NEO1: variants seen among roughly 807,000 people sequenced by gnomAD.
NEO1 encodes neogenin 1.
In NEO1, 63 loss-of-function variants were observed where a neutral mutation model predicts 159.7. The observed-to-expected ratio is 0.39, with a 90% CI of 0.32 to 0.49. NEO1 has a LOEUF of 0.49. Among genes scored for constraint, NEO1 ranks in the 20% least tolerant of loss-of-function variants. NEO1 has a pLI of 0.85. For synonymous variants in NEO1, 633 were observed against 662.0 expected, an observed-to-expected ratio of 0.96 and a Z score of 0.67; for missense variants, 1,615 against 1,831.0, an observed-to-expected ratio of 0.88 and a Z score of 2.15.
At chr15:73,200,561 T>G (rs1479890702) in intron 7 of NEO1, among the ~76,000 whole-genome samples, 4 of 128,878 alleles carry the variant, frequency 3.1e-5, no homozygotes, top group African/African-American at 9.0e-5. Flanking sequence ...GGAAGGGAAA[T>G]GGGAAAGGGA....
At chr15:73,208,776 C>T (rs1224734552) in intron 7 of NEO1, among the ~76,000 whole-genome samples, 1 of 151,954 alleles carries the variant, frequency 6.6e-6, no homozygotes, top group African/African-American at 2.4e-5. Context: ...GTGGGAGGAT[C>T]ACCCGAGCCC....
intron 7 of NEO1, among the ~76,000 whole-genome samples, chr15:73,226,031 C>T (rs1486281326): frequency 6.6e-6 from 1 of 152,100 alleles, no homozygotes; most frequent in Non-Finnish European, 1.5e-5. Context: ...CAGGTAAGGT[C>T]GGAAACTTCT....
intron 8 of NEO1, 57 bp downstream of exon 8, chr15:73,236,563 C>A: frequency 6.7e-7 from 1 of 1,497,878 alleles, no homozygotes; most frequent in Non-Finnish European, 9.3e-7. Flanking sequence ...GCAGCCTTGT[C>A]ATGCTCACCC....
At chr15:73,067,410 A>G (rs1456157012) in intron 1 of NEO1, among the ~76,000 whole-genome samples, 4 of 150,360 alleles carry the variant, frequency 2.7e-5, no homozygotes, top group East Asian at 2.0e-4. Flanking sequence ...GATGGTGTCT[A>G]TATATATTCA....
At chr15:73,180,627 ATCTAAC>A (rs2151966856) in intron 7 of NEO1, among the ~76,000 whole-genome samples, 1 of 152,332 alleles carries the variant, frequency 6.6e-6, no homozygotes, top group South Asian at 2.1e-4. Flanking sequence ...ACTGTTACAA[ATCTAAC>A]TCTAACAGTA....
chr15:73,161,933 C>G (rs988394253), intron 5 of NEO1: 6 of 200,810 alleles, frequency 3.0e-5, no homozygotes, highest in Non-Finnish European at 5.2e-5. Flanking sequence ...TTCTACAGAA[C>G]TAGGTTCTCT....
intron 7 of NEO1, among the ~76,000 whole-genome samples, chr15:73,179,922 T>C (rs2035504916): frequency 6.6e-6 from 1 of 151,856 alleles, no homozygotes; most frequent in African/African-American, 2.4e-5. Context: ...AACATTTAGA[T>C]TGTCACCTGT....
At chr15:73,168,193 T>C (rs949372691) in intron 5 of NEO1, among the ~76,000 whole-genome samples, 1 of 151,598 alleles carries the variant, frequency 6.6e-6, no homozygotes, top group Admixed American at 6.6e-5. Flanking sequence ...GTTTTTTGTT[T>C]TGTTTTGTAT....
At chr15:73,082,234 C>G (rs1045560833) in intron 1 of NEO1, among the ~76,000 whole-genome samples, 1 of 152,058 alleles carries the variant, frequency 6.6e-6, no homozygotes, top group Non-Finnish European at 1.5e-5. Flanking sequence ...TATTTAGAGT[C>G]GAGTCTACTT....
chr15:73,186,335 A>T (rs2035925470), intron 7 of NEO1, among the ~76,000 whole-genome samples: 1 of 151,920 alleles, frequency 6.6e-6, no homozygotes, highest in African/African-American at 2.4e-5. Flanking sequence ...TTAAAAAAAA[A>T]GGCAACCAAA....
At chr15:73,055,688 T>A (rs2067660704) in intron 1 of NEO1, among the ~76,000 whole-genome samples, 1 of 152,160 alleles carries the variant, frequency 6.6e-6, no homozygotes, top group Admixed American at 6.5e-5. Flanking sequence ...CTCTGTGTCA[T>A]TTTCCCTCGT....
intron 13 of NEO1, chr15:73,255,221 C>G (rs1168868806): frequency 1.2e-5 from 2 of 162,322 alleles, no homozygotes; most frequent in Non-Finnish European, 1.3e-5. Context: ...GACCACCACT[C>G]GTGTGTACGT....
intron 7 of NEO1, among the ~76,000 whole-genome samples, chr15:73,203,670 G>A (rs1386034863): frequency 6.6e-6 from 1 of 151,872 alleles, no homozygotes; most frequent in Non-Finnish European, 1.5e-5. Context: ...TACAGTATAC[G>A]TTTTTAACTA....
At chr15:73,090,449 T>C (rs1278999117) in intron 1 of NEO1, among the ~76,000 whole-genome samples, 1 of 152,178 alleles carries the variant, frequency 6.6e-6, no homozygotes, top group African/African-American at 2.4e-5. Flanking sequence ...TCTGGAAGGA[T>C]TCATACTAAT....
intron 7 of NEO1, among the ~76,000 whole-genome samples, chr15:73,208,942 A>C (rs979462776): frequency 6.6e-6 from 1 of 152,226 alleles, no homozygotes; most frequent in African/African-American, 2.4e-5. Flanking sequence ...GCAGTTGTCA[A>C]GCATAATGGG....
intron 27 of NEO1, 122 bp downstream of exon 27, chr15:73,298,733 T>G (rs2042477770): frequency 7.4e-7 from 1 of 1,358,854 alleles, no homozygotes; most frequent in Non-Finnish European, 1.0e-6. Flanking sequence ...AAGCCTATCT[T>G]AGCAATTCTG....
chr15:73,091,915 C>T (rs1017163711), intron 1 of NEO1, among the ~76,000 whole-genome samples: 4 of 151,900 alleles, frequency 2.6e-5, no homozygotes, highest in Non-Finnish European at 4.4e-5. Context: ...CATAAGCCAC[C>T]GTGCCTGGCC....
chr15:73,294,970 G>C (rs1014638247), intron 26 of NEO1, among the ~76,000 whole-genome samples: 1 of 151,588 alleles, frequency 6.6e-6, no homozygotes, highest in Non-Finnish European at 1.5e-5. Context: ...AATGCTGCTT[G>C]AACTCACATC....
At chr15:73,194,191 A>T (rs926590276) in intron 7 of NEO1, among the ~76,000 whole-genome samples, 11 of 152,166 alleles carry the variant, frequency 7.2e-5, no homozygotes, top group Non-Finnish European at 2.9e-5. Flanking sequence ...GGCTTTAGAG[A>T]GGAAAATATG....
Sources: allele counts gnomAD v4.1 joint callset (sites outside exome capture counted in the v4.1 genomes callset), GRCh38; gene constraint gnomAD v4.1.1; transcripts MANE v1.5; gene names NCBI Gene and HGNC (gene_info 2026-07-23, HGNC 2026-07-21).